The following PRKCB variants were observed in gnomAD, a reference collection of about 807,000 sequenced individuals.
PRKCB encodes the protein protein kinase C beta.
In PRKCB, 13 loss-of-function variants were observed where a neutral mutation model predicts 81.5. The ratio of observed to expected loss-of-function variants is 0.16; its 90% CI spans 0.10 to 0.25. The LOEUF is 0.25. Among genes scored for constraint, PRKCB ranks in the 10% least tolerant of loss-of-function variants. PRKCB has a pLI of 1.00. For synonymous variants in PRKCB, 335 were observed against 321.4 expected, an observed-to-expected ratio of 1.04 and a Z score of -0.45; for missense variants, 509 against 875.7, an observed-to-expected ratio of 0.58 and a Z score of 5.29.
chr16:24,200,589 G>T (rs12447464), intron 16 of PRKCB, among the ~76,000 whole-genome samples: 32,615 of 152,152 alleles, frequency 0.21, 3,812 homozygotes, highest in African/African-American at 0.29. Context: ...GGAAGTCCAA[G>T]GGTGAGGGGC....
At chr16:24,168,253 C>G (rs1212273990) in intron 10 of PRKCB, among the ~76,000 whole-genome samples, 2 of 152,134 alleles carry the variant, frequency 1.3e-5, no homozygotes, top group Admixed American at 1.3e-4. Context: ...TAAATAACTG[C>G]TCAGTGTTGC....
chr16:23,915,689 CAAAAA>C (rs71154259), intron 2 of PRKCB, among the ~76,000 whole-genome samples: 1 of 54,548 alleles, frequency 1.8e-5, no homozygotes, highest in Non-Finnish European at 3.1e-5. Flanking sequence ...GACTCTCTAT[CAAAAA>C]AAAAAAAAAA....
intron 2 of PRKCB, among the ~76,000 whole-genome samples, chr16:23,902,055 C>T (rs1215381377): frequency 6.6e-6 from 1 of 151,964 alleles, no homozygotes; most frequent in African/African-American, 2.4e-5. Context: ...GAATTTTTAC[C>T]CCCAGGAAGA....
intron 13 of PRKCB, among the ~76,000 whole-genome samples, chr16:24,183,547 C>T (rs1014854418): frequency 7.9e-5 from 12 of 152,198 alleles, no homozygotes; most frequent in Admixed American, 7.9e-4. Context: ...CAAACATTCA[C>T]TTTATAGCCA....
chr16:24,096,855 AAATTGTCTCATATCTG>A (rs1209608913), intron 7 of PRKCB, among the ~76,000 whole-genome samples: 1 of 151,210 alleles, frequency 6.6e-6, no homozygotes, highest in East Asian at 2.0e-4. Flanking sequence ...TCTTTAAGAT[AAATTGTCTCATATCTG>A]AATTGTCTCA....
At chr16:23,997,947 G>A (rs1015853110) in intron 3 of PRKCB, among the ~76,000 whole-genome samples, 1 of 152,152 alleles carries the variant, frequency 6.6e-6, no homozygotes, top group African/African-American at 2.4e-5. Context: ...GGCTAAGGGG[G>A]GTACCCAGAT....
intron 2 of PRKCB, among the ~76,000 whole-genome samples, chr16:23,930,759 A>G (rs994407020): frequency 1.3e-4 from 20 of 152,158 alleles, no homozygotes; most frequent in Admixed American, 1.2e-3. Flanking sequence ...GTGGATTAAT[A>G]CATGTAAAGC....
At chr16:24,162,654 A>G (rs923651163) in intron 10 of PRKCB, among the ~76,000 whole-genome samples, 4 of 151,782 alleles carry the variant, frequency 2.6e-5, no homozygotes, top group African/African-American at 4.8e-5. Flanking sequence ...GTTGAGACCT[A>G]TGTTGCTCAG....
intron 9 of PRKCB, among the ~76,000 whole-genome samples, chr16:24,143,932 G>T (rs1349221086): frequency 6.6e-6 from 1 of 152,038 alleles, no homozygotes; most frequent in Non-Finnish European, 1.5e-5. Context: ...TTCTGTTGCA[G>T]GGATGTTATT....
chr16:23,858,551 T>G (rs1962611861), intron 2 of PRKCB, among the ~76,000 whole-genome samples: 1 of 152,168 alleles, frequency 6.6e-6, no homozygotes, highest in Non-Finnish European at 1.5e-5. Flanking sequence ...TGTTTTTTTT[T>G]TTTCCCAGTG....
chr16:23,895,856 A>C (rs17810011), intron 2 of PRKCB, among the ~76,000 whole-genome samples: 4,532 of 152,340 alleles, frequency 0.03, 103 homozygotes, highest in South Asian at 0.061. Context: ...CTCTTTATGA[A>C]TACAAAATAT....
At chr16:24,012,256 T>G (rs762589328) in intron 3 of PRKCB, among the ~76,000 whole-genome samples, 8 of 152,258 alleles carry the variant, frequency 5.3e-5, no homozygotes, top group Non-Finnish European at 1.5e-5. Flanking sequence ...GATTGATATA[T>G]GCTAACTCAT....
At chr16:23,866,372 T>C (rs1316155015) in intron 2 of PRKCB, among the ~76,000 whole-genome samples, 1 of 152,202 alleles carries the variant, frequency 6.6e-6, no homozygotes, top group South Asian at 2.1e-4. Flanking sequence ...GTTAAAAAAT[T>C]TAAGTTCATA....
At chr16:24,022,650 C>A (rs1965420503) in intron 3 of PRKCB, among the ~76,000 whole-genome samples, 2 of 152,036 alleles carry the variant, frequency 1.3e-5, no homozygotes, top group South Asian at 2.1e-4. Flanking sequence ...TGCCGCCACG[C>A]CCGGCTAATT....
intron 2 of PRKCB, among the ~76,000 whole-genome samples, chr16:23,882,518 G>A (rs750303507): frequency 3.9e-5 from 6 of 152,126 alleles, no homozygotes; most frequent in African/African-American, 7.2e-5. Context: ...AAGTGAAGGC[G>A]TGAGCCATTG....
chr16:24,033,512 A>C (rs1040542631), intron 4 of PRKCB, among the ~76,000 whole-genome samples: 1 of 152,186 alleles, frequency 6.6e-6, no homozygotes, highest in Non-Finnish European at 1.5e-5. Flanking sequence ...CTGTAATCCC[A>C]ACACTTTGGG....
At chr16:24,127,091 C>T (rs777552064) in intron 9 of PRKCB, among the ~76,000 whole-genome samples, 6 of 151,026 alleles carry the variant, frequency 4.0e-5, no homozygotes, top group Non-Finnish European at 5.9e-5. Flanking sequence ...CCGCAACCTC[C>T]GCCTCCCAGG....
intron 2 of PRKCB, among the ~76,000 whole-genome samples, chr16:23,955,641 T>C (rs1964339911): frequency 6.6e-6 from 1 of 152,152 alleles, no homozygotes; most frequent in African/African-American, 2.4e-5. Context: ...GTCCGCCTAT[T>C]TGATGTTGGG....
chr16:23,873,033 TA>T (rs199840034), intron 2 of PRKCB, among the ~76,000 whole-genome samples: 32 of 145,364 alleles, frequency 2.2e-4, no homozygotes, highest in Non-Finnish European at 3.2e-4. Context: ...AAATAAAAAA[TA>T]AAAAAAAAAT....
Sources: allele counts gnomAD v4.1 joint callset (sites outside exome capture counted in the v4.1 genomes callset), GRCh38; gene constraint gnomAD v4.1.1; transcripts MANE v1.5; gene names NCBI Gene and HGNC (gene_info 2026-07-23, HGNC 2026-07-21).